The following CWC22 variants were observed in gnomAD, a reference collection of about 807,000 sequenced individuals.
The protein encoded by CWC22 is pre-mRNA-splicing factor CWC22 homolog.
CWC22 carries 53 observed loss-of-function variants against 117.2 expected under a neutral mutation model. The observed-to-expected ratio is 0.45, with a 90% confidence interval of 0.36 to 0.57. The LOEUF (loss-of-function observed/expected upper bound fraction) is 0.57, where lower values mean the gene tolerates loss of function less well. CWC22 is among the 20% of genes least tolerant of loss of function. The pLI, the probability that CWC22 is intolerant of heterozygous loss-of-function variation, is 0.00. For missense variants in CWC22, 980 were observed against 1,068.8 expected (o/e 0.92, Z 1.16); for synonymous variants, 360 against 355.6 (o/e 1.01, Z -0.14).
chr2:179,994,901 G>A lies in CWC22; in HGVS notation c.-113-1447C>T, dbSNP rs146504900. Among the ~76,000 whole-genome samples the A allele has an allele frequency of 9.8e-4, 149 of 152,220 alleles. No homozygotes were observed. The East Asian group carries it at 0.02, about 20-fold the overall frequency. On this transcript the variant is annotated intron_variant, in intron 1 of 19. Transcript: ENST00000410053. Reference sequence around the variant, plus strand: ...GGAGGCCGAGGTGGGTGGATCACAAGGTCAGGAGATTGACACCATCCTGGC... The same window carrying A: ...GGAGGCCGAGGTGGGTGGATCACAAAGTCAGGAGATTGACACCATCCTGGC...
At chr2:179,982,576 T>C (rs1242168169) in intron 4 of CWC22, among the ~76,000 whole-genome samples, 1 of 152,176 alleles carries the variant, frequency 6.6e-6, no homozygotes, top group Admixed American at 6.5e-5. Context: ...CTATAGAATA[T>C]AATATTTGAA....
At chr2:179,988,694 AAC>A in intron 2 of CWC22, 50 bp from the exon 3 acceptor site, 1 of 966,020 alleles carries the variant, frequency 1.0e-6, no homozygotes, top group Non-Finnish European at 1.5e-6. Flanking sequence ...TTATGTTAAT[AAC>A]ACAGACTGAA....
rs1687075170 is a variant in CWC22 at position 179,973,197 on chromosome 2, T to C, written c.800A>G (p.Asn267Ser). ...SKFVAHLINQ[N>S]VAHEVLCLEM... is the part of the protein sequence containing the mutation. ...GTATTGAAGATAATTACTTACCACA[T>C]TTTGGTTAATAAGATGCGCCACAAA... Residue 267 changes from asparagine to serine, a missense_variant, in exon 8 of 20, where the codon AAT becomes AGT. Around this residue, in one of 3 missense-constraint regions of CWC22, gnomAD observed 559 missense variants for 602.3 expected, o/e 0.93. Transcript: ENST00000410053. 1 of 1,596,446 alleles carries C rather than the reference T, an allele frequency of 6.3e-7. No homozygotes were observed. Among genetic ancestry groups the C allele is most frequent in the African/African-American group, 1.3e-5 (1 of 74,636 alleles).
In CWC22 at chr2:179,950,923, A is replaced by G; in HGVS notation, c.1821T>C (p.Thr607=). ...PKLNARLKDE[T]LQPFFEGLLP... Reference sequence around the variant, plus strand: ...ATAATCCTTCAAAGAATGGCTGCAGAGTTCTAAAAAGGAAAAAAATAAACA... The same window carrying G: ...ATAATCCTTCAAAGAATGGCTGCAGGGTTCTAAAAAGGAAAAAAATAAACA... Residue 607 remains threonine, a synonymous_variant, in exon 18 of 20, where the codon ACT becomes ACC. Transcript: ENST00000410053. The G allele has an allele frequency of 6.5e-7, 1 of 1,545,188 alleles. No homozygotes were observed. Among genetic ancestry groups the G allele is most frequent in the Non-Finnish European group, 8.8e-7 (1 of 1,139,170 alleles).
intron 2 of CWC22, among the ~76,000 whole-genome samples, chr2:179,990,578 GAA>G (rs1170081895): frequency 6.9e-6 from 1 of 145,104 alleles, no homozygotes; most frequent in Admixed American, 6.8e-5. Flanking sequence ...GAGAGAGAGA[GAA>G]AGAAGAAGGA....
rs771125445 is a variant in CWC22, at chr2:179,966,252, C to T, written c.1211-270G>A. On this transcript the variant is annotated intron_variant, in intron 11 of 19. Transcript: ENST00000410053. ...ATGAAAAAAACAAAGAAAAAGTAGACGATGGTTTTTGAAAAGAGCAAGAGC... is the reference window on the plus strand; with the variant it reads ...ATGAAAAAAACAAAGAAAAAGTAGATGATGGTTTTTGAAAAGAGCAAGAGC... Among the ~76,000 whole-genome samples the T allele has an allele frequency of 6.6e-5, 10 of 152,152 alleles. No individual in the cohort carries two copies. In the South Asian group the frequency reaches 1.2e-3, roughly 19 times the overall value.
chr2:179,966,057 T>C, intron 11 of CWC22, 75 bp from the exon 12 acceptor site: 2 of 1,180,546 alleles, frequency 1.7e-6, no homozygotes, highest in Non-Finnish European at 1.2e-6. Context: ...GAAGATAAAT[T>C]CTCAGTTCGT....
chr2:179,955,217 C>A (rs1470580984), intron 14 of CWC22, among the ~76,000 whole-genome samples, 183 bp from the exon 15 acceptor site: 1 of 151,942 alleles, frequency 6.6e-6, no homozygotes, highest in Non-Finnish European at 1.5e-5. Context: ...AGGCTTGGGT[C>A]TGGCTGACAG....
chr2:180,004,918 A>G (rs1308521938), intron 1 of CWC22, among the ~76,000 whole-genome samples: 1 of 152,030 alleles, frequency 6.6e-6, no homozygotes, highest in Non-Finnish European at 1.5e-5. Context: ...GGCAGCAAAC[A>G]TGATTCTGAG....
chr2:179,971,090 C>A lies in CWC22; in HGVS notation c.805-14G>T. ...TACTTCGTGTGCCTTAAATAAAATA[C>A]ATATACAAGGAAGAAACAAAATGCT... On this transcript the variant is annotated splice_polypyrimidine_tract_variant and intron_variant, in intron 8 of 19. Coordinates refer to ENST00000410053, the MANE Select transcript of CWC22 (RefSeq NM_020943.3). 1 of 1,503,790 alleles carries A rather than the reference C, an allele frequency of 6.6e-7. No individual in the cohort carries two copies. The highest frequency in any genetic ancestry group is 8.9e-7 in the Non-Finnish European group (1 of 1,122,398). 93.2% of individuals were successfully genotyped at this position (1,503,790 alleles called of 1,614,324 possible). A position where few individuals can be genotyped will look rare whatever the true frequency, so the allele number is the denominator to read the frequency against.
intron 8 of CWC22, among the ~76,000 whole-genome samples, 162 bp downstream of exon 8, chr2:179,973,031 C>T (rs1328900007): frequency 2.0e-5 from 3 of 151,482 alleles, no homozygotes; most frequent in African/African-American, 7.3e-5. Flanking sequence ...AAAAAAAGAA[C>T]ATTAAATATA....
intron 17 of CWC22, among the ~76,000 whole-genome samples, chr2:179,951,460 T>C (rs1686446963): frequency 6.6e-6 from 1 of 152,046 alleles, no homozygotes; most frequent in African/African-American, 2.4e-5. Context: ...AAGGTGGTTT[T>C]GGACATTTGG....
At chr2:180,001,907 T>C (rs1687857801) in intron 1 of CWC22, among the ~76,000 whole-genome samples, 1 of 152,268 alleles carries the variant, frequency 6.6e-6, no homozygotes, top group South Asian at 2.1e-4. Flanking sequence ...ATTTATGTTT[T>C]GTTCATTGCT....
intron 14 of CWC22, among the ~76,000 whole-genome samples, chr2:179,958,266 G>T (rs564256939): frequency 1.3e-5 from 2 of 149,662 alleles, no homozygotes; most frequent in African/African-American, 4.9e-5. Flanking sequence ...GGGAGGCAGA[G>T]GTTGCAGTGA....
rs114630776 is a variant in CWC22, at chr2:179,995,773, A to G, written c.-113-2319T>C. 1.8e-3 allele frequency among the ~76,000 whole-genome samples: 273 copies of G among 152,340 alleles called. 1 individual carries two copies. Among genetic ancestry groups the G allele is most frequent in the African/African-American group, 6.4e-3 (265 of 41,574 alleles). On this transcript the variant is annotated intron_variant, in intron 1 of 19. Transcript: ENST00000410053. The stretch of plus-strand genomic sequence containing the variant: ...AGGAGCAACATGAGTGAGTTATCCC[A>G]TTTAATATAGCTTTAGTCTGAGGGC...
chr2:179,996,792 C>A (rs1687713317), intron 1 of CWC22, among the ~76,000 whole-genome samples: 1 of 150,346 alleles, frequency 6.7e-6, no homozygotes, highest in Non-Finnish European at 1.5e-5. Flanking sequence ...ACTAGAGAGA[C>A]TTGAAAATAG....
intron 8 of CWC22, 70 bp downstream of exon 8, chr2:179,973,123 C>T (rs2105530683): frequency 1.2e-6 from 1 of 857,948 alleles, no homozygotes; most frequent in Non-Finnish European, 1.9e-6. Flanking sequence ...AGAGAGGTAT[C>T]AGTGAAGTGG....
chr2:179,968,206 TTTATTTAAAGTGACAAATGGA>T (rs1457112420), intron 11 of CWC22, among the ~76,000 whole-genome samples: 2 of 152,338 alleles, frequency 1.3e-5, no homozygotes, highest in South Asian at 2.1e-4. Context: ...GAGTAAAAGA[TTTATTTAAAGTGACAAATGGA>T]TTCTAATGCA....
At chr2:180,001,375 G>A (rs565650435) in intron 1 of CWC22, among the ~76,000 whole-genome samples, 20 of 151,580 alleles carry the variant, frequency 1.3e-4, no homozygotes, top group African/African-American at 4.8e-4. Context: ...ACCCAGGCTG[G>A]AGCGCAGTGG....
Sources: gnomAD v4.1 joint callset for allele counts (sites outside exome capture counted in the v4.1 genomes callset) on GRCh38, gnomAD v4.1.1 for gene constraint, gnomAD v4.1.1 regional missense constraint, MANE v1.5 for transcripts, NCBI Gene and HGNC (gene_info 2026-07-23, HGNC 2026-07-21) for gene names.